Variants in ATG14 observed in about 807,000 individuals in gnomAD.
The protein encoded by ATG14 is beclin 1-associated autophagy-related key regulator.
In ATG14, 35 loss-of-function variants were observed where a neutral mutation model predicts 60.4. The ratio of observed to expected loss-of-function variants is 0.58; its 90% CI spans 0.44 to 0.77. The LOEUF is 0.77. ATG14 is among the 30% of genes least tolerant of loss of function. The pLI is 0.00. For synonymous variants in ATG14, 234 were observed against 228.8 expected (o/e 1.02, Z -0.21); for missense variants, 647 against 626.3 (o/e 1.03, Z -0.35).
chr14:55,385,036 G>A (rs1275834497), intron 5 of ATG14, among the ~76,000 whole-genome samples: 1 of 152,200 alleles, frequency 6.6e-6, no homozygotes, highest in Non-Finnish European at 1.5e-5. Flanking sequence ...CGAAGTCACG[G>A]TATTCAGTGC....
At chr14:55,394,891 T>C (rs1885286982) in intron 3 of ATG14, 9 of 364,930 alleles carry the variant, frequency 2.5e-5, no homozygotes, top group South Asian at 2.0e-4. Flanking sequence ...CTACTCAATA[T>C]CCCACACTGT....
chr14:55,389,566 A>G (rs28460382), intron 4 of ATG14, among the ~76,000 whole-genome samples: 1 of 152,224 alleles, frequency 6.6e-6, no homozygotes, highest in Non-Finnish European at 1.5e-5. Context: ...GACAAGAAAA[A>G]GGGATTCACG....
At chr14:55,383,793 C>T (rs567860500) in intron 5 of ATG14, among the ~76,000 whole-genome samples, 1 of 152,090 alleles carries the variant, frequency 6.6e-6, no homozygotes, top group Non-Finnish European at 1.5e-5. Flanking sequence ...CATGAGAAGT[C>T]ACAGCAGGTA....
At chr14:55,384,723 A>T (rs1237572044) in intron 5 of ATG14, among the ~76,000 whole-genome samples, 6 of 152,244 alleles carry the variant, frequency 3.9e-5, no homozygotes, top group Non-Finnish European at 2.9e-5. Context: ...GCAATAGTCC[A>T]GTGAACGTCA....
At chr14:55,394,636 C>A (rs756306649) in intron 3 of ATG14, among the ~76,000 whole-genome samples, 1 of 152,164 alleles carries the variant, frequency 6.6e-6, no homozygotes, top group Non-Finnish European at 1.5e-5. Flanking sequence ...ACTACCACGA[C>A]CAAAGAGCTC....
rs984596258 is a variant in ATG14, at chr14:55,367,973, A to G, written c.*1646T>C. On this transcript the variant is annotated 3_prime_UTR_variant, in exon 10 of 10. Coordinates refer to ENST00000247178, the MANE Select transcript of ATG14 (RefSeq NM_014924.5). Reference sequence around the variant, plus strand: ...TTATGATGAGAAAAGAAGCTGGGGCATGGCAAACCTCTGAATGATTTATCA... The same window carrying G: ...TTATGATGAGAAAAGAAGCTGGGGCGTGGCAAACCTCTGAATGATTTATCA... The G allele has an allele frequency of 1.3e-5, 2 of 152,674 alleles. No individual in the cohort carries two copies. Among genetic ancestry groups the G allele is most frequent in the Non-Finnish European group, 2.9e-5 (2 of 68,042 alleles). The allele number at this position is 152,674 out of a possible 1,614,324, so 9.5% of individuals were successfully genotyped here.
chr14:55,411,788 A>G lies in ATG14; in HGVS notation c.35T>C (p.Leu12Pro), dbSNP rs563928479. ...ASPSGKGARA[L>P]EAPGCGPRPL... ...CCGGGGCCCGCAGCCAGGAGCCTCC[A>G]GCGCCCGGGCTCCCTTCCCACTGGG... The change falls in exon 1 of 10, where the codon CTG becomes CCG. Residue 12 changes from leucine to proline, a missense_variant. Physicochemically the swap from Leu to Pro is moderately conservative, Grantham distance 98. Coordinates refer to ENST00000247178, the MANE Select transcript of ATG14 (RefSeq NM_014924.5). The G allele has an allele frequency of 3.5e-4, 564 of 1,602,038 alleles. 6 individuals carry two copies. The South Asian group carries it at 5.9e-3, about 17-fold the overall frequency.
rs866680281 is a variant in ATG14 at position 55,369,876 on chromosome 14, C to T, written c.1222G>A (p.Val408Met). Reference sequence around the variant, plus strand: ...GATTCTCCAGCAACTCCGGGATCCACAAATTCCATGGACTCCTCAAGGTCT... The same window carrying T: ...GATTCTCCAGCAACTCCGGGATCCATAAATTCCATGGACTCCTCAAGGTCT... The part of the protein sequence containing the change: ...RADLEESMEF[V>M]DPGVAGESDE... The change falls in exon 10 of 10, where the codon GTG (valine) becomes ATG (methionine). Residue 408 changes from valine to methionine, a missense_variant. Val to Met is a conservative substitution (Grantham distance 21, BLOSUM62 1). Transcript: ENST00000247178. 1 of 1,614,088 alleles carries T rather than the reference C, an allele frequency of 6.2e-7. No individual in the cohort carries two copies.
At position 55,367,035 on chromosome 14, in the gene ATG14, T is replaced by C. The variant is rs1375390987; in HGVS notation, c.*2584A>G. 1 of 152,658 alleles carries C rather than the reference T, an allele frequency of 6.6e-6. No homozygotes were observed. The highest frequency in any genetic ancestry group is 1.5e-5 in the Non-Finnish European group (1 of 68,034). The allele number at this position is 152,658 out of a possible 1,614,324, so 9.5% of individuals were successfully genotyped here. On this transcript the variant is annotated 3_prime_UTR_variant, in exon 10 of 10. Coordinates refer to ENST00000247178, the MANE Select transcript of ATG14 (RefSeq NM_014924.5). ...TAACCCTATGTAAAGTGCCTCTAGT[T>C]GATATTAACAACAACAAACAAAATA... is the stretch of plus-strand genomic sequence containing the variant.
chr14:55,375,223 A>G (rs1395329160), intron 9 of ATG14, among the ~76,000 whole-genome samples: 2 of 152,252 alleles, frequency 1.3e-5, no homozygotes, highest in Non-Finnish European at 2.9e-5. Context: ...GATCACTGCT[A>G]TGGAATTTAT....
chr14:55,373,586 A>C (rs1399711797), intron 9 of ATG14, among the ~76,000 whole-genome samples: 1 of 152,026 alleles, frequency 6.6e-6, no homozygotes, highest in East Asian at 1.9e-4. Flanking sequence ...CAGCCTCCCA[A>C]GTAGCTGGGG....
At chr14:55,408,085 T>C (rs536997870) in intron 1 of ATG14, among the ~76,000 whole-genome samples, 2 of 152,314 alleles carry the variant, frequency 1.3e-5, no homozygotes, top group East Asian at 3.9e-4. Flanking sequence ...ATGCATGCTT[T>C]ATGTAATCAC....
At position 55,386,042 on chromosome 14, in the gene ATG14, G is replaced by A; in HGVS notation, c.464C>T (p.Ala155Val). Reference sequence around the variant, plus strand: ...CTCCTTTTTCTCTTGGTGCCGTTGTGCTCGACTGTAAAGCTTCTGATTCTT... The same window carrying A: ...CTCCTTTTTCTCTTGGTGCCGTTGTACTCGACTGTAAAGCTTCTGATTCTT... ...KEKNQKLYSR[A>V]QRHQEKKEKI... Residue 155 changes from alanine to valine, a missense_variant, in exon 5 of 10, where the codon GCA becomes GTA. Ala to Val is a moderately conservative substitution (Grantham distance 64). Transcript: ENST00000247178. 6.2e-7 allele frequency: 1 copy of A among 1,613,994 alleles called. No individual in the cohort carries two copies. Among genetic ancestry groups the A allele is most frequent in the Non-Finnish European group, 8.5e-7 (1 of 1,180,004 alleles).
intron 5 of ATG14, among the ~76,000 whole-genome samples, chr14:55,383,551 A>T (rs1338403969): frequency 2.0e-5 from 3 of 151,998 alleles, no homozygotes; most frequent in Non-Finnish European, 2.9e-5. Flanking sequence ...ACTCCATCTC[A>T]AAAAAACACA....
At chr14:55,402,945 AT>A (rs1885430507) in intron 1 of ATG14, among the ~76,000 whole-genome samples, 3 of 68,974 alleles carry the variant, frequency 4.3e-5, no homozygotes, top group East Asian at 4.0e-4. Context: ...ATATATATAT[AT>A]ATATATATAT....
intron 4 of ATG14, among the ~76,000 whole-genome samples, chr14:55,387,754 C>T (rs146540288): frequency 4.6e-5 from 7 of 151,908 alleles, no homozygotes; most frequent in South Asian, 2.1e-4. Flanking sequence ...CTGCAACCTC[C>T]GCCTCCCGGG....
At chr14:55,399,238 T>G (rs1481513641) in intron 1 of ATG14, among the ~76,000 whole-genome samples, 1 of 152,226 alleles carries the variant, frequency 6.6e-6, no homozygotes, top group Admixed American at 6.5e-5. Flanking sequence ...GTGACAGAAT[T>G]ATATACTTAT....
At chr14:55,383,768 CAAAA>C (rs201673875) in intron 5 of ATG14, among the ~76,000 whole-genome samples, 1 of 150,400 alleles carries the variant, frequency 6.6e-6, no homozygotes, top group African/African-American at 2.4e-5. Context: ...AATCAAAAAA[CAAAA>C]AAAAACCCAC....
intron 9 of ATG14, among the ~76,000 whole-genome samples, chr14:55,375,536 G>A (rs1014686542): frequency 7.3e-6 from 1 of 136,518 alleles, no homozygotes; most frequent in African/African-American, 2.8e-5. Flanking sequence ...TAGACATGGA[G>A]TCTCACTATG....
Sources: gnomAD v4.1 joint callset for allele counts (sites outside exome capture counted in the v4.1 genomes callset) on GRCh38, gnomAD v4.1.1 for gene constraint, MANE v1.5 for transcripts, NCBI Gene and HGNC (gene_info 2026-07-23, HGNC 2026-07-21) for gene names.